AGBL4: variants seen among roughly 807,000 people sequenced by gnomAD.
AGBL4 encodes cytosolic carboxypeptidase 6.
Under a neutral mutation model 66.4 loss-of-function variants are expected in AGBL4, and 58 were observed. The ratio of observed to expected loss-of-function variants is 0.87; its 90% CI spans 0.71 to 1.09. The LOEUF (loss-of-function observed/expected upper bound fraction) is 1.09. Ranked by LOEUF, AGBL4 falls within the 50% of genes least tolerant of loss-of-function variation. The pLI is 0.00. For missense variants in AGBL4, 579 were observed against 631.0 expected, an observed-to-expected ratio of 0.92 and a Z score of 0.88; for synonymous variants, 234 against 222.9, an observed-to-expected ratio of 1.05 and a Z score of -0.44.
intron 2 of AGBL4, among the ~76,000 whole-genome samples, chr1:49,772,334 G>A (rs1406813653): frequency 6.6e-6 from 1 of 152,088 alleles, no homozygotes; most frequent in Admixed American, 6.5e-5. Context: ...AGCACTAACT[G>A]TAGCTATTGA....
chr1:49,805,618 G>T (rs78149832), intron 2 of AGBL4, among the ~76,000 whole-genome samples: 49 of 152,300 alleles, frequency 3.2e-4, no homozygotes, highest in African/African-American at 1.1e-3. Flanking sequence ...TGGTGTTTGA[G>T]ATTGTCTGAA....
intron 5 of AGBL4, among the ~76,000 whole-genome samples, chr1:49,016,176 C>G (rs1175182762): frequency 6.6e-6 from 1 of 152,152 alleles, no homozygotes; most frequent in East Asian, 1.9e-4. Flanking sequence ...GACTTGCCAC[C>G]TCCTCTGCTC....
In AGBL4 at chr1:49,090,273, A is replaced by G. The variant is rs953454472; in HGVS notation, c.378-44473T>C. Among the ~76,000 whole-genome samples the G allele has an allele frequency of 1.1e-4, 17 of 152,270 alleles. No individual in the cohort carries two copies. The East Asian group carries it at 3.1e-3, about 28-fold the overall frequency. ...AAGAGAACAAAATAAAAGGCATCCAAATAGAAAGAGAGGAAGTCAGACTAT... is the reference window on the plus strand; with the variant it reads ...AAGAGAACAAAATAAAAGGCATCCAGATAGAAAGAGAGGAAGTCAGACTAT... On this transcript the variant is annotated intron_variant, in intron 4 of 13. Transcript: ENST00000371839.
At chr1:49,461,603 T>C (rs1049599891) in intron 3 of AGBL4, among the ~76,000 whole-genome samples, 1 of 151,040 alleles carries the variant, frequency 6.6e-6, no homozygotes, top group African/African-American at 2.4e-5. Context: ...TTTCTCCTAA[T>C]GCTATCCCTC....
At chr1:49,830,263 T>A (rs1354157505) in intron 2 of AGBL4, among the ~76,000 whole-genome samples, 1 of 152,154 alleles carries the variant, frequency 6.6e-6, no homozygotes, top group African/African-American at 2.4e-5. Context: ...TTTCTCCGCA[T>A]CCTCTCCAGC....
chr1:48,863,948 A>T (rs923069670), intron 6 of AGBL4, among the ~76,000 whole-genome samples: 15 of 152,144 alleles, frequency 9.9e-5, no homozygotes, highest in Non-Finnish European at 2.1e-4. Context: ...ATTCAACTAC[A>T]TAAAAAAATT....
chr1:48,955,671 C>T (rs978781515), intron 5 of AGBL4, among the ~76,000 whole-genome samples: 6 of 152,294 alleles, frequency 3.9e-5, no homozygotes, highest in Non-Finnish European at 8.8e-5. Context: ...GCATGAGCCA[C>T]TATGCCTGGC....
intron 3 of AGBL4, among the ~76,000 whole-genome samples, chr1:49,276,442 T>A (rs1004609319): frequency 6.6e-6 from 1 of 152,178 alleles, no homozygotes. Flanking sequence ...TATATTTATT[T>A]GGCATATTTT....
chr1:49,533,158 C>G (rs987897217), intron 3 of AGBL4, among the ~76,000 whole-genome samples: 1 of 152,114 alleles, frequency 6.6e-6, no homozygotes, highest in Non-Finnish European at 1.5e-5. Context: ...CCCTTCTCTT[C>G]ACAACCACAC....
At chr1:49,839,392 C>A (rs1645932247) in intron 2 of AGBL4, among the ~76,000 whole-genome samples, 1 of 152,124 alleles carries the variant, frequency 6.6e-6, no homozygotes, top group South Asian at 2.1e-4. Context: ...TATTTAATAA[C>A]CATGCTTTTT....
intron 6 of AGBL4, among the ~76,000 whole-genome samples, chr1:48,690,123 G>A (rs1646606050): frequency 6.6e-6 from 1 of 152,226 alleles, no homozygotes; most frequent in Non-Finnish European, 1.5e-5. Context: ...GCCCAGGCCT[G>A]GTTCTCAGAG....
chr1:49,329,688 T>C (rs1186747065), intron 3 of AGBL4, among the ~76,000 whole-genome samples: 1 of 147,082 alleles, frequency 6.8e-6, no homozygotes, highest in African/African-American at 2.5e-5. Flanking sequence ...AAAGCACATG[T>C]GAACACATGT....
At chr1:49,373,306 AT>A (rs1644404585) in intron 3 of AGBL4, among the ~76,000 whole-genome samples, 1 of 152,178 alleles carries the variant, frequency 6.6e-6, no homozygotes, top group African/African-American at 2.4e-5. Flanking sequence ...TATATGACCA[AT>A]AGATGCTTAA....
chr1:48,585,855 G>A (rs1001811789), intron 11 of AGBL4: 10 of 152,214 alleles, frequency 6.6e-5, no homozygotes, highest in Non-Finnish European at 1.3e-4. Flanking sequence ...GTTGGCTGGT[G>A]GGACTAGCCC....
At chr1:49,285,584 T>G (rs1284076033) in intron 3 of AGBL4, among the ~76,000 whole-genome samples, 1 of 152,110 alleles carries the variant, frequency 6.6e-6, no homozygotes, top group Non-Finnish European at 1.5e-5. Flanking sequence ...ATCCAGGAGC[T>G]GGTTTTTTGA....
intron 4 of AGBL4, among the ~76,000 whole-genome samples, chr1:49,108,586 A>T (rs1257166760): frequency 6.6e-6 from 1 of 152,210 alleles, no homozygotes; most frequent in Non-Finnish European, 1.5e-5. Context: ...TCATACTGCC[A>T]TCAGAGTGAG....
chr1:49,427,519 C>A (rs949213327), intron 3 of AGBL4, among the ~76,000 whole-genome samples: 6 of 152,056 alleles, frequency 3.9e-5, no homozygotes, highest in South Asian at 4.2e-4. Context: ...AGCCACGGAC[C>A]CTTGCAGTGA....
chr1:48,523,141 AG>A, the AGBL4 span, among the ~76,000 whole-genome samples: 1 of 152,150 alleles, frequency 6.6e-6, no homozygotes, highest in Non-Finnish European at 1.5e-5. Flanking sequence ...ACTGAGGCTT[AG>A]AGAGGGAGAG....
intron 9 of AGBL4, among the ~76,000 whole-genome samples, chr1:48,595,945 T>C (rs769489760): frequency 6.6e-6 from 1 of 152,212 alleles, no homozygotes; most frequent in Non-Finnish European, 1.5e-5. Flanking sequence ...AGGAGTTTTA[T>C]CTCAGGTTTG....
Sources: gnomAD v4.1 joint callset for allele counts (sites outside exome capture counted in the v4.1 genomes callset) on GRCh38, gnomAD v4.1.1 for gene constraint, MANE v1.5 for transcripts, NCBI Gene and HGNC (gene_info 2026-07-23, HGNC 2026-07-21) for gene names.